DNTT: variants seen among roughly 807,000 people sequenced by gnomAD.
DNTT encodes the protein DNA nucleotidylexotransferase, also known as nucleosidetriphosphate:DNA deoxynucleotidylexotransferase.
DNTT carries 47 observed loss-of-function variants against 60.9 expected under a neutral mutation model. The ratio of observed to expected loss-of-function variants is 0.77; its 90% CI spans 0.61 to 0.98. The LOEUF (loss-of-function observed/expected upper bound fraction) is 0.98, where lower values mean the gene tolerates loss of function less well. Ranked by LOEUF, DNTT falls within the 50% of genes least tolerant of loss-of-function variation. The pLI is 0.00. For synonymous variants in DNTT, 224 were observed against 221.2 expected (o/e 1.01, Z -0.11); for missense variants, 665 against 627.5 (o/e 1.06, Z -0.64).
intron 1 of DNTT, chr10:96,306,759 C>CCA (rs2133981248): frequency 6.6e-6 from 1 of 152,284 alleles, no homozygotes; most frequent in Admixed American, 6.5e-5. Flanking sequence ...TGCCGCTGTG[C>CCA]ATGTGATGAT....
intron 7 of DNTT, 109 bp from the exon 8 acceptor site, chr10:96,328,616 C>T (rs1391029470): frequency 1.9e-5 from 20 of 1,037,078 alleles, no homozygotes; most frequent in Non-Finnish European, 2.3e-5. Flanking sequence ...AAGTCAAGAA[C>T]CTTCTATGTT....
chr10:96,313,646 CAT>C (rs1313767272), intron 1 of DNTT, among the ~76,000 whole-genome samples: 9 of 152,252 alleles, frequency 5.9e-5, no homozygotes, highest in African/African-American at 2.2e-4. Flanking sequence ...AATATGTGCA[CAT>C]GTGTGTATGT....
intron 7 of DNTT, 103 bp downstream of exon 7, chr10:96,327,703 A>G (rs899223049): frequency 1.3e-5 from 19 of 1,500,520 alleles, no homozygotes; most frequent in Non-Finnish European, 1.6e-5. Context: ...ATCTGGTGCC[A>G]GCTTCTTTCT....
intron 9 of DNTT, among the ~76,000 whole-genome samples, chr10:96,334,458 A>G (rs1258757170): frequency 1.3e-5 from 2 of 151,842 alleles, no homozygotes; most frequent in Non-Finnish European, 2.9e-5. Context: ...CCAACTAAAC[A>G]CCTCACCCTG....
chr10:96,306,336 C>T (rs1208886957), intron 1 of DNTT, among the ~76,000 whole-genome samples: 1 of 152,154 alleles, frequency 6.6e-6, no homozygotes, highest in Non-Finnish European at 1.5e-5. Context: ...TTGTAATCCG[C>T]CTGCCTTGGC....
intron 1 of DNTT, among the ~76,000 whole-genome samples, chr10:96,310,857 A>G (rs976538355): frequency 1.3e-5 from 2 of 152,224 alleles, no homozygotes; most frequent in Non-Finnish European, 2.9e-5. Context: ...TCTGCAATGC[A>G]TGAGTATTAA....
chr10:96,309,572 G>T (rs1465179956), intron 1 of DNTT, among the ~76,000 whole-genome samples: 1 of 151,842 alleles, frequency 6.6e-6, no homozygotes, highest in Non-Finnish European at 1.5e-5. Context: ...TTTCCATTCA[G>T]TCATTATATA....
intron 6 of DNTT, among the ~76,000 whole-genome samples, chr10:96,326,177 T>C (rs1006340038): frequency 2.6e-4 from 40 of 152,204 alleles, no homozygotes; most frequent in Non-Finnish European, 8.8e-5. Context: ...CAGGTGTTTG[T>C]GGTTACCCAG....
At chr10:96,318,247 T>G (rs1430636308) in intron 1 of DNTT, 105 bp from the exon 2 acceptor site, 4 of 1,341,198 alleles carry the variant, frequency 3.0e-6, no homozygotes, top group Non-Finnish European at 4.1e-6. Flanking sequence ...AGGTCTAGCA[T>G]GTGTCTTTCT....
chr10:96,326,254 C>T (rs953336817), intron 6 of DNTT, among the ~76,000 whole-genome samples: 2 of 151,284 alleles, frequency 1.3e-5, no homozygotes, highest in Admixed American at 6.6e-5. Flanking sequence ...AGCATTGCTT[C>T]TTAGATCAAA....
In DNTT at chr10:96,338,403, C is replaced by A; in HGVS notation, c.*179C>A. On this transcript the variant is annotated 3_prime_UTR_variant, in exon 11 of 11. Transcript: ENST00000371174. ...GGTGCCACTGGTAATGGGTAAGGTT[C>A]TAATAGGCCATGTTTATGACTGTTG... 1.1e-5 allele frequency: 6 copies of A among 541,722 alleles called. No homozygotes were observed. The South Asian group carries it at 1.5e-4, about 14-fold the overall frequency. 33.6% of individuals were successfully genotyped at this position (541,722 alleles called of 1,614,324 possible).
In DNTT at chr10:96,318,340, T is replaced by C. The variant is rs772360073; in HGVS notation, c.204-12T>C. ...GATGTTTCAGCTGGTAACTCTGTCT[T>C]GCATTTTGCAGTGATTCTGTCACCC... is the stretch of plus-strand genomic sequence containing the variant. On this transcript the variant is annotated splice_polypyrimidine_tract_variant and intron_variant, in intron 1 of 10. Transcript: ENST00000371174. 9 of 1,603,272 alleles carry C rather than the reference T, an allele frequency of 5.6e-6. No individual in the cohort carries two copies. The highest frequency in any genetic ancestry group is 1.7e-5 in the Admixed American group (1 of 59,140).
intron 1 of DNTT, among the ~76,000 whole-genome samples, chr10:96,316,960 G>A (rs557766574): frequency 6.6e-6 from 1 of 152,160 alleles, no homozygotes; most frequent in African/African-American, 2.4e-5. Context: ...AATACCTCAT[G>A]AATCAGATTC....
intron 1 of DNTT, among the ~76,000 whole-genome samples, chr10:96,313,815 T>G (rs775297576): frequency 5.9e-5 from 9 of 152,194 alleles, no homozygotes; most frequent in Non-Finnish European, 1.0e-4. Flanking sequence ...CAGGGCTGTG[T>G]CCAGAGGAAT....
intron 1 of DNTT, among the ~76,000 whole-genome samples, chr10:96,316,460 C>T (rs1406300727): frequency 1.3e-5 from 2 of 152,172 alleles, no homozygotes; most frequent in Non-Finnish European, 2.9e-5. Context: ...ATGTTCTGCT[C>T]ACAAAAGCCT....
intron 1 of DNTT, among the ~76,000 whole-genome samples, chr10:96,316,282 T>C (rs1294915817): frequency 5.3e-5 from 8 of 152,216 alleles, no homozygotes; most frequent in African/African-American, 1.9e-4. Context: ...ATGTCTACCA[T>C]ATTTCTCCTC....
At chr10:96,306,368 A>C (rs1844637610) in intron 1 of DNTT, 1 of 152,296 alleles carries the variant, frequency 6.6e-6, no homozygotes, top group African/African-American at 2.4e-5. Flanking sequence ...CTGGGATTAC[A>C]GGCATGAGCC....
intron 9 of DNTT, among the ~76,000 whole-genome samples, chr10:96,335,080 T>C (rs1321425153): frequency 6.6e-6 from 1 of 152,186 alleles, no homozygotes; most frequent in East Asian, 1.9e-4. Flanking sequence ...TAGCAAATTG[T>C]TCCTTACCAC....
At chr10:96,309,254 T>G (rs946515516) in intron 1 of DNTT, among the ~76,000 whole-genome samples, 1 of 152,206 alleles carries the variant, frequency 6.6e-6, no homozygotes, top group Non-Finnish European at 1.5e-5. Context: ...GAAAGCAAGA[T>G]GCAGCATCAT....
Sources: allele counts gnomAD v4.1 joint callset (sites outside exome capture counted in the v4.1 genomes callset), GRCh38; gene constraint gnomAD v4.1.1; transcripts MANE v1.5; gene names NCBI Gene and HGNC (gene_info 2026-07-23, HGNC 2026-07-21).